The following ZNF292 variants were observed in gnomAD, a reference collection of about 807,000 sequenced individuals.
The protein encoded by ZNF292 is zinc finger protein 292, also known as 16 zinc-finger domain protein.
ZNF292 carries 26 observed loss-of-function variants against 217.9 expected under a neutral mutation model. The observed-to-expected ratio is 0.12, with a 90% confidence interval of 0.09 to 0.17. ZNF292 has a LOEUF of 0.17. ZNF292 is among the 10% of genes least tolerant of loss of function. The probability of loss-of-function intolerance (pLI) is 1.00; values close to 1 mark genes in which losing one functional copy is unlikely to be tolerated. For missense variants in ZNF292, 2,904 were observed against 3,175.2 expected (o/e 0.91, Z 2.05); for synonymous variants, 1,257 against 1,124.1 (o/e 1.12, Z -2.37).
intron 4 of ZNF292, among the ~76,000 whole-genome samples, chr6:87,219,355 C>T (rs1772959290): frequency 6.6e-6 from 1 of 152,148 alleles, no homozygotes; most frequent in African/African-American, 2.4e-5. Flanking sequence ...AAATATCACC[C>T]TAACCTTTCC....
At chr6:87,195,096 A>G (rs975588164) in intron 1 of ZNF292, among the ~76,000 whole-genome samples, 15 of 152,240 alleles carry the variant, frequency 9.9e-5, no homozygotes, top group Non-Finnish European at 1.9e-4. Context: ...TAAAATCACA[A>G]AAATCTCCAT....
chr6:87,234,652 A>C (rs1773813955), intron 5 of ZNF292, among the ~76,000 whole-genome samples: 1 of 152,132 alleles, frequency 6.6e-6, no homozygotes, highest in South Asian at 2.1e-4. Context: ...TATATCTGTA[A>C]TAACATATCC....
chr6:87,155,859 A>T (rs1314736812), intron 1 of ZNF292, 100 bp downstream of exon 1: 1 of 1,386,752 alleles, frequency 7.2e-7, no homozygotes, highest in Non-Finnish European at 9.5e-7. Context: ...CTTCCTTGGC[A>T]TCATCGGCGC....
intron 1 of ZNF292, among the ~76,000 whole-genome samples, chr6:87,191,616 T>C (rs923907743): frequency 6.6e-5 from 10 of 152,326 alleles, no homozygotes; most frequent in Non-Finnish European, 1.3e-4. Flanking sequence ...ACAACACTTG[T>C]TTTTGAAGCT....
chr6:87,189,811 G>C (rs766204487), intron 1 of ZNF292, among the ~76,000 whole-genome samples: 7 of 152,026 alleles, frequency 4.6e-5, no homozygotes, highest in Non-Finnish European at 8.8e-5. Context: ...TACTGTACTC[G>C]GAAGGAAGGA....
intron 7 of ZNF292, among the ~76,000 whole-genome samples, chr6:87,251,175 A>G (rs2127849886): frequency 6.6e-6 from 1 of 152,336 alleles, no homozygotes; most frequent in South Asian, 2.1e-4. Flanking sequence ...AGTAGAGGGA[A>G]AGATAAAAGA....
chr6:87,221,331 CT>C (rs1773073792), intron 4 of ZNF292, among the ~76,000 whole-genome samples: 2 of 152,244 alleles, frequency 1.3e-5, no homozygotes, highest in Non-Finnish European at 1.5e-5. Context: ...TAGTCATAAT[CT>C]TGGGATTGGA....
chr6:87,217,459 C>T (rs1289580648), intron 3 of ZNF292, among the ~76,000 whole-genome samples: 2 of 152,008 alleles, frequency 1.3e-5, no homozygotes, highest in African/African-American at 4.8e-5. Context: ...ATATCCGTAA[C>T]TTGTATCTTA....
intron 1 of ZNF292, among the ~76,000 whole-genome samples, chr6:87,164,709 G>C (rs1770857424): frequency 6.6e-6 from 1 of 151,730 alleles, no homozygotes; most frequent in Non-Finnish European, 1.5e-5. Flanking sequence ...CTAAATAGAA[G>C]AGAGGCATCC....
rs932545926 is a variant in ZNF292, at chr6:87,264,035, T to G, written c.*2234T>G. 4.3e-4 allele frequency: 66 copies of G among 152,226 alleles called. No homozygotes were observed. Among genetic ancestry groups the G allele is most frequent in the African/African-American group, 1.6e-3 (65 of 41,542 alleles). The allele number at this position is 152,226 out of a possible 1,614,324, so 9.4% of individuals were successfully genotyped here. The stretch of plus-strand genomic sequence containing the variant: ...TGAAATTTTTATATTCCAGGTAATG[T>G]ATACTAAAGGTAATTATGAGAGTGG... On this transcript the variant is annotated 3_prime_UTR_variant, in exon 8 of 8. Coordinates refer to ENST00000369577, the MANE Select transcript of ZNF292 (RefSeq NM_015021.3).
chr6:87,250,227 G>A (rs868773285), intron 7 of ZNF292, among the ~76,000 whole-genome samples: 2 of 151,548 alleles, frequency 1.3e-5, no homozygotes, highest in Non-Finnish European at 1.5e-5. Flanking sequence ...AAACCCAGGA[G>A]TTTGAGCCAG....
intron 1 of ZNF292, among the ~76,000 whole-genome samples, chr6:87,199,187 A>G (rs1392045402): frequency 6.6e-6 from 1 of 152,224 alleles, no homozygotes; most frequent in Non-Finnish European, 1.5e-5. Flanking sequence ...TTTTAAAATT[A>G]TAGCCATTCT....
In ZNF292 at chr6:87,257,420, C is replaced by A; in HGVS notation, c.3791C>A (p.Pro1264His). The change falls in exon 8 of 8, where the codon CCT becomes CAT. Residue 1264 changes from proline (P) to histidine (H), a missense_variant. Coordinates refer to ENST00000369577, the MANE Select transcript of ZNF292 (RefSeq NM_015021.3). ...GACAGTGGCTCAGATCCTTTCCTTC[C>A]TTTACCTGCAGAAAGTAGTTCAATG... ...NIDSGSDPFL[P>H]LPAESSSMSL... is the part of the protein sequence containing the mutation. 1 of 1,613,542 alleles carries A rather than the reference C, an allele frequency of 6.2e-7. No individual in the cohort carries two copies.
intron 1 of ZNF292, among the ~76,000 whole-genome samples, chr6:87,187,145 A>G (rs1424293444): frequency 6.6e-6 from 1 of 152,218 alleles, no homozygotes; most frequent in Non-Finnish European, 1.5e-5. Flanking sequence ...GTTTTAGAAA[A>G]AAGAAATTCC....
In ZNF292 at chr6:87,253,953, C is replaced by T. The variant is rs147254694; in HGVS notation, c.1021-697C>T. The stretch of plus-strand genomic sequence containing the variant: ...TTATTGCTATCTAATAATAATAGTT[C>T]AAGATGCTAATTCAAAAGAAAAAGT... On this transcript the variant is annotated intron_variant, in intron 7 of 7. Transcript: ENST00000369577. 3.6e-3 allele frequency among the ~76,000 whole-genome samples: 551 copies of T among 152,268 alleles called. 2 individuals are homozygous for T. The highest frequency in any genetic ancestry group is 0.013 in the African/African-American group (530 of 41,562).
chr6:87,247,277 A>G (rs1439103409), intron 7 of ZNF292, among the ~76,000 whole-genome samples: 1 of 115,724 alleles, frequency 8.6e-6, no homozygotes, highest in Non-Finnish European at 1.7e-5. Context: ...CGCAACACAC[A>G]CACATGCGCA....
intron 1 of ZNF292, among the ~76,000 whole-genome samples, chr6:87,197,722 CAAAAA>C (rs11312557): frequency 0.082 from 6,357 of 77,590 alleles, 200 homozygotes; most frequent in Middle Eastern, 0.16. Context: ...CTCGCTGTTT[CAAAAA>C]AAAAAAAAAA....
intron 7 of ZNF292, among the ~76,000 whole-genome samples, chr6:87,245,965 G>T (rs988811352): frequency 3.9e-5 from 6 of 152,212 alleles, no homozygotes; most frequent in South Asian, 2.1e-4. Flanking sequence ...GGGCGTGGTG[G>T]CTCATGCCTG....
At chr6:87,179,757 C>G (rs1422512554) in intron 1 of ZNF292, among the ~76,000 whole-genome samples, 1 of 152,094 alleles carries the variant, frequency 6.6e-6, no homozygotes, top group Non-Finnish European at 1.5e-5. Flanking sequence ...ACCACTAGTT[C>G]ATAGTGCTGT....
Sources: allele counts gnomAD v4.1 joint callset (sites outside exome capture counted in the v4.1 genomes callset), GRCh38; gene constraint gnomAD v4.1.1; transcripts MANE v1.5; gene names NCBI Gene and HGNC (gene_info 2026-07-23, HGNC 2026-07-21).